ACSL1: variants seen among roughly 807,000 people sequenced by gnomAD.
The protein encoded by ACSL1 is acyl-CoA synthetase long chain family member 1.
Under a neutral mutation model 98.4 loss-of-function variants are expected in ACSL1, and 41 were observed. That is an observed-to-expected ratio of 0.42 (90% CI 0.32 to 0.54). The LOEUF (loss-of-function observed/expected upper bound fraction) is 0.54. Among genes scored for constraint, ACSL1 ranks in the 20% least tolerant of loss-of-function variants. ACSL1 has a pLI of 0.13. For missense variants in ACSL1, 734 were observed against 883.1 expected (o/e 0.83, Z 2.14); for synonymous variants, 316 against 322.7 (o/e 0.98, Z 0.22).
chr4:184,786,220 A>C (rs538069606), intron 3 of ACSL1, among the ~76,000 whole-genome samples: 5 of 152,336 alleles, frequency 3.3e-5, no homozygotes, highest in Admixed American at 1.3e-4. Context: ...TTAACATAAG[A>C]AGCGTGGTCT....
chr4:184,806,106 G>C (rs1427178006), intron 1 of ACSL1, among the ~76,000 whole-genome samples: 1 of 152,206 alleles, frequency 6.6e-6, no homozygotes, highest in Non-Finnish European at 1.5e-5. Context: ...CAGGCGCTGG[G>C]AAGACAGTGT....
intron 2 of ACSL1, among the ~76,000 whole-genome samples, chr4:184,793,164 T>A (rs1483820931): frequency 6.7e-6 from 1 of 148,386 alleles, no homozygotes; most frequent in African/African-American, 2.5e-5. Context: ...GCTATAGACC[T>A]CTTTAATGTG....
At position 184,789,471 on chromosome 4, in the gene ACSL1, G is replaced by A. The variant is rs1009515331; in HGVS notation, c.196-740C>T. Among the ~76,000 whole-genome samples, 7 of 152,260 alleles carry A rather than the reference G, an allele frequency of 4.6e-5. No individual in the cohort carries two copies. The South Asian group carries it at 6.2e-4, about 14-fold the overall frequency. On this transcript the variant is annotated intron_variant, in intron 2 of 20. Transcript: ENST00000281455. ...CCACTATTTTATCTCCTCACCAAGC[G>A]CAATATCATCTGTTAGAAACTTCAC... is the stretch of plus-strand genomic sequence containing the variant.
At chr4:184,822,159 T>G (rs1294999318) in intron 1 of ACSL1, among the ~76,000 whole-genome samples, 3 of 152,150 alleles carry the variant, frequency 2.0e-5, no homozygotes, top group Non-Finnish European at 4.4e-5. Context: ...ATTTTATTGT[T>G]TTTACTTTTT....
At chr4:184,824,944 A>G (rs956288977) in intron 1 of ACSL1, among the ~76,000 whole-genome samples, 12 of 152,228 alleles carry the variant, frequency 7.9e-5, no homozygotes, top group African/African-American at 2.7e-4. Context: ...GGTGGCAGAA[A>G]CTGCAAGATT....
chr4:184,783,798 G>T, intron 4 of ACSL1, 129 bp downstream of exon 4: 1 of 841,900 alleles, frequency 1.2e-6, no homozygotes, highest in Non-Finnish European at 2.0e-6. Flanking sequence ...GATGCCCCAT[G>T]CTTACGGCAA....
At chr4:184,795,390 G>A (rs551030800) in intron 2 of ACSL1, among the ~76,000 whole-genome samples, 3 of 152,352 alleles carry the variant, frequency 2.0e-5, no homozygotes, top group Non-Finnish European at 4.4e-5. Context: ...AAGCCTGTGA[G>A]AAGCGACATC....
At chr4:184,808,909 T>C (rs1317560657) in intron 1 of ACSL1, among the ~76,000 whole-genome samples, 1 of 152,188 alleles carries the variant, frequency 6.6e-6, no homozygotes, top group African/African-American at 2.4e-5. Context: ...TGGTCACTGC[T>C]CTGGGCCCAT....
chr4:184,760,265 C>T, intron 18 of ACSL1, 92 bp downstream of exon 18: 7 of 1,391,636 alleles, frequency 5.0e-6, no homozygotes, highest in South Asian at 1.4e-5. Flanking sequence ...AAGTGATAGG[C>T]GTCTCAAACT....
intron 11 of ACSL1, 32 bp downstream of exon 11, chr4:184,770,363 CACAA>C (rs757401899): frequency 3.1e-6 from 5 of 1,608,862 alleles, no homozygotes; most frequent in South Asian, 1.1e-5. Flanking sequence ...GCAGAACATA[CACAA>C]ACAAGCAAGG....
intron 3 of ACSL1, among the ~76,000 whole-genome samples, chr4:184,785,026 G>T (rs949147024): frequency 6.6e-6 from 1 of 152,154 alleles, no homozygotes; most frequent in Non-Finnish European, 1.5e-5. Context: ...AACAGAGACG[G>T]GCGCACTGCA....
intron 1 of ACSL1, chr4:184,813,755 A>G (rs904991152): frequency 6.9e-6 from 3 of 434,464 alleles, no homozygotes; most frequent in South Asian, 4.7e-5. Context: ...AAGAGACCAC[A>G]CCAGGAGAAG....
intron 6 of ACSL1, 72 bp downstream of exon 6, chr4:184,776,812 G>T: frequency 6.5e-7 from 1 of 1,538,576 alleles, no homozygotes; most frequent in Non-Finnish European, 8.9e-7. Flanking sequence ...CAAATCAAAT[G>T]TAAGCAAATG....
At chr4:184,813,691 C>A in intron 1 of ACSL1, 1 of 330,452 alleles carries the variant, frequency 3.0e-6, no homozygotes, top group Non-Finnish European at 6.4e-6. Flanking sequence ...TGAAATAATC[C>A]AGAAGACTCT....
chr4:184,824,518 G>T (rs955571837), intron 1 of ACSL1, among the ~76,000 whole-genome samples: 1 of 152,090 alleles, frequency 6.6e-6, no homozygotes, highest in Non-Finnish European at 1.5e-5. Flanking sequence ...TAAGGTGTGC[G>T]GCTAACAAGT....
chr4:184,774,065 T>C (rs948358789), intron 7 of ACSL1, among the ~76,000 whole-genome samples, 190 bp from the exon 8 acceptor site: 2 of 152,214 alleles, frequency 1.3e-5, no homozygotes, highest in African/African-American at 4.8e-5. Flanking sequence ...TTATTCATTG[T>C]TCTGAGAAGC....
At chr4:184,760,726 G>C (rs1189503154) in intron 17 of ACSL1, among the ~76,000 whole-genome samples, 2 of 152,190 alleles carry the variant, frequency 1.3e-5, no homozygotes, top group Non-Finnish European at 2.9e-5. Context: ...ACAGAGAAGG[G>C]GTCCTAGAGC....
rs551966339 is a variant in ACSL1 at position 184,770,260 on chromosome 4, A to G, written c.993+139T>C. ...AGTCCGCACGCCACACTTACCTTCA[A>G]TAACTGTTCATAAATGTGAGCAAGT... is the stretch of plus-strand genomic sequence containing the variant. On this transcript the variant is annotated intron_variant, in intron 11 of 20. Coordinates refer to ENST00000281455, the MANE Select transcript of ACSL1 (RefSeq NM_001995.5). The G allele has an allele frequency of 6.2e-5, 96 of 1,542,556 alleles. No individual in the cohort carries two copies. The East Asian group carries it at 2.1e-3, about 34-fold the overall frequency.
Position 184,776,622 on chromosome 4 carries a change from G to T in ACSL1, c.618C>A (p.Ala206=). 6.2e-7 allele frequency: 1 copy of T among 1,613,224 alleles called. No homozygotes were observed. The highest frequency in any genetic ancestry group is 8.5e-7 in the Non-Finnish European group (1 of 1,179,998). ...SLVFVDKPEK[A]KLLLEGVENK... is the part of the protein sequence containing the mutation. ...TTTCTACACCCTCTAATAAGAGTTT[G>T]GCCTTCTCTGGCTTGTCAACAAAAA... The change falls in exon 7 of 21, where the codon GCC becomes GCA. Residue 206 remains alanine, a synonymous_variant. Transcript: ENST00000281455.
Sources: allele counts gnomAD v4.1 joint callset (sites outside exome capture counted in the v4.1 genomes callset), GRCh38; gene constraint gnomAD v4.1.1; transcripts MANE v1.5; gene names NCBI Gene and HGNC (gene_info 2026-07-23, HGNC 2026-07-21).